The following RPTOR variants were observed in gnomAD, a reference collection of about 807,000 sequenced individuals.
RPTOR encodes regulatory associated protein of MTOR complex 1, also known as regulatory-associated protein of mTOR.
A neutral mutation model predicts 169.9 loss-of-function variants in RPTOR; 21 were observed. That is an observed-to-expected ratio of 0.12 (90% CI 0.09 to 0.18). The LOEUF is 0.18. RPTOR is among the 10% of genes least tolerant of loss of function. The pLI, the probability that RPTOR is intolerant of heterozygous loss-of-function variation, is 1.00. For synonymous variants in RPTOR, 732 were observed against 753.2 expected, an observed-to-expected ratio of 0.97 and a Z score of 0.46; for missense variants, 1,133 against 1,855.9, an observed-to-expected ratio of 0.61 and a Z score of 7.16.
chr17:80,838,389 C>G (rs960461339), intron 10 of RPTOR, among the ~76,000 whole-genome samples: 1 of 152,100 alleles, frequency 6.6e-6, no homozygotes, highest in Non-Finnish European at 1.5e-5. Flanking sequence ...GGTGCTGAAC[C>G]CTGGAGGGCG....
rs555761307 is a variant in RPTOR, at chr17:80,962,515, G to A, written c.3747G>A (p.Val1249=). Residue 1249 remains valine, a synonymous_variant, in exon 32 of 34, where the codon GTG becomes GTA. Coordinates refer to ENST00000306801, the MANE Select transcript of RPTOR (RefSeq NM_020761.3). The part of the protein sequence containing the change: ...FDPRMPESVN[V]LQIVKGLTAL... ...CCCGGATGCCTGAGTCGGTAAATGT[G>A]CTTCAGATCGTGAAGGGGCTGACGG... 7 of 1,613,934 alleles carry A rather than the reference G, an allele frequency of 4.3e-6. No homozygotes were observed. The South Asian group carries it at 6.6e-5, about 15-fold the overall frequency.
intron 1 of RPTOR, among the ~76,000 whole-genome samples, chr17:80,595,849 T>C (rs2065140917): frequency 6.6e-6 from 1 of 152,202 alleles, no homozygotes; most frequent in African/African-American, 2.4e-5. Context: ...TGCCAGGCTA[T>C]TTTGATTCTT....
chr17:80,741,092 A>C (rs1598270346), intron 5 of RPTOR, among the ~76,000 whole-genome samples: 1 of 152,330 alleles, frequency 6.6e-6, no homozygotes, highest in South Asian at 2.1e-4. Context: ...GGGAATGTAA[A>C]ATGGTACGGC....
chr17:80,552,687 T>C (rs2084360049), intron 1 of RPTOR, among the ~76,000 whole-genome samples: 1 of 152,218 alleles, frequency 6.6e-6, no homozygotes, highest in Non-Finnish European at 1.5e-5. Flanking sequence ...TACCTAGGGA[T>C]CATTCTCTCC....
chr17:80,868,278 G>T (rs1299111129), intron 13 of RPTOR, among the ~76,000 whole-genome samples: 1 of 152,182 alleles, frequency 6.6e-6, no homozygotes, highest in Non-Finnish European at 1.5e-5. Context: ...CAAAAGGTTT[G>T]AGCAGACACT....
At chr17:80,563,128 G>C (rs1242217038) in intron 1 of RPTOR, among the ~76,000 whole-genome samples, 2 of 152,180 alleles carry the variant, frequency 1.3e-5, no homozygotes, top group Admixed American at 6.5e-5. Flanking sequence ...GAGAACCACT[G>C]TGCAGCCTTT....
rs889825694 is a variant in RPTOR at position 80,609,172 on chromosome 17, C to T, written c.163-16519C>T. Among the ~76,000 whole-genome samples, 1 of 152,178 alleles carries T rather than the reference C, an allele frequency of 6.6e-6. No individual in the cohort carries two copies. The highest frequency in any genetic ancestry group is 2.4e-5 in the African/African-American group (1 of 41,446). ...CTCGGGCTGCAGGGGGCGGGGAGCACATGCGGCGTGCAGACCTTTCCTTAG... is the reference window on the plus strand; with the variant it reads ...CTCGGGCTGCAGGGGGCGGGGAGCATATGCGGCGTGCAGACCTTTCCTTAG... On this transcript the variant is annotated intron_variant, in intron 1 of 33. Transcript: ENST00000306801. This position sits in a 1 kb window ranked among gnomAD's most constrained non-coding sequence, Gnocchi z 4.8.
At chr17:80,838,497 G>A (rs577587436) in intron 10 of RPTOR, among the ~76,000 whole-genome samples, 2 of 152,352 alleles carry the variant, frequency 1.3e-5, no homozygotes, top group South Asian at 2.1e-4. Context: ...GGGTGGCCCC[G>A]GGCCTTCGCG....
intron 21 of RPTOR, among the ~76,000 whole-genome samples, chr17:80,921,333 GAC>G (rs1329970620): frequency 6.6e-6 from 1 of 152,204 alleles, no homozygotes; most frequent in African/African-American, 2.4e-5. Context: ...CCATCCTCCT[GAC>G]ACAGATGAGG....
chr17:80,611,525 C>T (rs1336676343), intron 1 of RPTOR, among the ~76,000 whole-genome samples: 1 of 152,084 alleles, frequency 6.6e-6, no homozygotes, highest in East Asian at 1.9e-4. Flanking sequence ...ACTCGGCTTC[C>T]CAAAGTGTTG....
At position 80,947,456 on chromosome 17, in the gene RPTOR, C is replaced by A; in HGVS notation, c.3265+105C>A. 2 of 1,375,586 alleles carry A rather than the reference C, an allele frequency of 1.5e-6. No homozygotes were observed. The highest frequency in any genetic ancestry group is 1.8e-5 in the South Asian group (1 of 55,450). The allele number at this position is 1,375,586 out of a possible 1,614,324, so 85.2% of individuals were successfully genotyped here. A position where few individuals can be genotyped will look rare whatever the true frequency, so the allele number is the denominator to read the frequency against. ...TTTGTACATCTGTCTTACAGAAAGC[C>A]CTGCTCACACGCGAGGGCCACTGTC... is the stretch of plus-strand genomic sequence containing the variant. On this transcript the variant is annotated intron_variant, in intron 27 of 33. Coordinates refer to ENST00000306801, the MANE Select transcript of RPTOR (RefSeq NM_020761.3). This position sits in a 1 kb window ranked among gnomAD's most constrained non-coding sequence, Gnocchi z 4.4.
intron 32 of RPTOR, 147 bp downstream of exon 32, chr17:80,962,724 C>G: frequency 9.1e-7 from 1 of 1,097,484 alleles, no homozygotes; most frequent in South Asian, 1.6e-5. Flanking sequence ...CAAAAGATGT[C>G]TGCCCACCAC....
rs1347290116 is a variant in RPTOR, at chr17:80,754,266, A to G, written c.830+81A>G. 1 of 1,397,258 alleles carries G rather than the reference A, an allele frequency of 7.2e-7. No individual in the cohort carries two copies. Among genetic ancestry groups the G allele is most frequent in the Non-Finnish European group, 9.6e-7 (1 of 1,036,288 alleles). 86.6% of individuals were successfully genotyped at this position (1,397,258 alleles called of 1,614,324 possible). ...ACCCCAACCCATGTGGGCCCCAGGC[A>G]TTCACCTGGTCCCAGGAGCCCACGT... On this transcript the variant is annotated intron_variant, in intron 6 of 33. Coordinates refer to ENST00000306801, the MANE Select transcript of RPTOR (RefSeq NM_020761.3). This position sits in a 1 kb window ranked among gnomAD's most constrained non-coding sequence, Gnocchi z 4.2.
At position 80,730,425 on chromosome 17, in the gene RPTOR, T is replaced by C; in HGVS notation, c.508-135T>C. The C allele has an allele frequency of 1.1e-6, 1 of 944,928 alleles. No individual in the cohort carries two copies. The highest frequency in any genetic ancestry group is 1.6e-6 in the Non-Finnish European group (1 of 633,460). The allele number at this position is 944,928 out of a possible 1,614,324, so 58.5% of individuals were successfully genotyped here. On this transcript the variant is annotated intron_variant, in intron 4 of 33. Coordinates refer to ENST00000306801, the MANE Select transcript of RPTOR (RefSeq NM_020761.3). This position sits in a 1 kb window ranked among gnomAD's most constrained non-coding sequence, Gnocchi z 4.2. ...TGGCCAGTTTGCTGTTTTTTATAGT[T>C]TTGTATAAAGGCTAACTCAGCGTCT...
intron 1 of RPTOR, among the ~76,000 whole-genome samples, chr17:80,551,021 G>A (rs1050129699): frequency 2.0e-5 from 3 of 152,130 alleles, no homozygotes. Context: ...CCGAGTAGCT[G>A]GGACTACCAG....
intron 24 of RPTOR, among the ~76,000 whole-genome samples, chr17:80,938,357 C>G (rs754792344): frequency 1.3e-4 from 20 of 152,240 alleles, no homozygotes; most frequent in Non-Finnish European, 2.6e-4. Flanking sequence ...GTTCCTCTCC[C>G]TTCCCACTCG....
In RPTOR at chr17:80,569,581, A is replaced by T. The variant is rs1279830231; in HGVS notation, c.162+23790A>T. ...TAAATAAAAGCAGGTCTAGGTCAGGATTGGAAAACTATGGCCCCTTGCTTG... is the reference window on the plus strand; with the variant it reads ...TAAATAAAAGCAGGTCTAGGTCAGGTTTGGAAAACTATGGCCCCTTGCTTG... On this transcript the variant is annotated intron_variant, in intron 1 of 33. Transcript: ENST00000306801. Among the ~76,000 whole-genome samples, 6 of 152,172 alleles carry T rather than the reference A, an allele frequency of 3.9e-5. 1 individual carries two copies. Among genetic ancestry groups the T allele is most frequent in the Admixed American group, 6.5e-5 (1 of 15,274 alleles).
chr17:80,964,184 G>C, intron 33 of RPTOR, 78 bp from the exon 34 acceptor site: 1 of 1,160,612 alleles, frequency 8.6e-7, no homozygotes, highest in Non-Finnish European at 1.3e-6. Flanking sequence ...TAAGGATGCG[G>C]GTTGGCCTGC....
At chr17:80,896,631 G>A (rs2068409721) in intron 20 of RPTOR, among the ~76,000 whole-genome samples, 1 of 151,912 alleles carries the variant, frequency 6.6e-6, no homozygotes, top group African/African-American at 2.4e-5. Context: ...CTTTGAGCCC[G>A]CTCCTCAGTT....
Sources: gnomAD v4.1 joint callset for allele counts (sites outside exome capture counted in the v4.1 genomes callset) on GRCh38, gnomAD v4.1.1 for gene constraint, Gnocchi (gnomAD v3.1) non-coding constraint, MANE v1.5 for transcripts, NCBI Gene and HGNC (gene_info 2026-07-23, HGNC 2026-07-21) for gene names.